Variants in LRBA observed in about 807,000 individuals in gnomAD.
LRBA encodes lipopolysaccharide-responsive and beige-like anchor protein.
Under a neutral mutation model 330.0 loss-of-function variants are expected in LRBA, and 176 were observed. The observed-to-expected ratio is 0.53, with a 90% confidence interval of 0.47 to 0.60. LRBA has a LOEUF of 0.60. Ranked by LOEUF, LRBA falls within the 20% of genes least tolerant of loss-of-function variation. The pLI is 0.00. For synonymous variants in LRBA, 1,230 were observed against 1,193.0 expected (o/e 1.03, Z -0.64); for missense variants, 3,259 against 3,444.8 (o/e 0.95, Z 1.35).
intron 17 of LRBA, among the ~76,000 whole-genome samples, chr4:150,875,981 A>G (rs1298433096): frequency 2.0e-5 from 3 of 152,216 alleles, no homozygotes; most frequent in Admixed American, 6.5e-5. Context: ...AAATTAAAAG[A>G]AACTTCTAAA....
intron 2 of LRBA, among the ~76,000 whole-genome samples, chr4:150,938,073 G>C (rs1435571425): frequency 2.9e-5 from 4 of 136,894 alleles, no homozygotes; most frequent in Admixed American, 7.5e-5. Context: ...GTATGGTATA[G>C]TTTAAAAAAA....
chr4:150,618,673 T>C (rs1776001772), intron 37 of LRBA, among the ~76,000 whole-genome samples: 1 of 152,046 alleles, frequency 6.6e-6, no homozygotes, highest in Non-Finnish European at 1.5e-5. Flanking sequence ...AGCAATAAAC[T>C]ATATTATGTC....
chr4:150,933,233 C>A (rs1210611567), intron 2 of LRBA, among the ~76,000 whole-genome samples: 3 of 151,714 alleles, frequency 2.0e-5, no homozygotes, highest in African/African-American at 4.8e-5. Flanking sequence ...ACTAAAAATA[C>A]AAAAATTAGC....
chr4:150,721,550 T>G (rs552038834), intron 36 of LRBA: 6 of 212,054 alleles, frequency 2.8e-5, no homozygotes, highest in African/African-American at 1.2e-4. Context: ...GAAGACAATG[T>G]GAATTAAATT....
chr4:150,720,567 T>C (rs1157446334), intron 36 of LRBA, among the ~76,000 whole-genome samples: 1 of 151,936 alleles, frequency 6.6e-6, no homozygotes, highest in African/African-American at 2.4e-5. Context: ...TCAAAGAAAG[T>C]CAAGCAACTA....
chr4:151,007,524 A>T (rs1328997871), intron 2 of LRBA, among the ~76,000 whole-genome samples: 2 of 146,006 alleles, frequency 1.4e-5, no homozygotes, highest in Admixed American at 1.4e-4. Flanking sequence ...AAAACAAAAA[A>T]AAAAATGGCA....
At chr4:150,765,226 G>A (rs1330992362) in intron 34 of LRBA, among the ~76,000 whole-genome samples, 1 of 152,030 alleles carries the variant, frequency 6.6e-6, no homozygotes, top group Non-Finnish European at 1.5e-5. Flanking sequence ...CAAAACTATG[G>A]AGAAATGTAA....
At chr4:150,972,476 C>T (rs575999396) in intron 2 of LRBA, among the ~76,000 whole-genome samples, 78 of 152,140 alleles carry the variant, frequency 5.1e-4, no homozygotes, top group Non-Finnish European at 1.1e-3. Flanking sequence ...CTCATAGTGA[C>T]TAACAGATTT....
At chr4:150,470,876 C>CACACACCA (rs1554034850) in intron 43 of LRBA, among the ~76,000 whole-genome samples, 269 of 143,794 alleles carry the variant, frequency 1.9e-3, no homozygotes, top group African/African-American at 5.0e-3. Flanking sequence ...CACACACACA[C>CACACACCA]CACACACTAA....
intron 40 of LRBA, among the ~76,000 whole-genome samples, chr4:150,505,183 T>C (rs1760882941): frequency 1.3e-5 from 2 of 152,062 alleles, no homozygotes; most frequent in Non-Finnish European, 2.9e-5. Context: ...GACAGAAAGT[T>C]AACAAGGATA....
intron 44 of LRBA, among the ~76,000 whole-genome samples, chr4:150,461,522 G>A (rs1754772903): frequency 6.6e-6 from 1 of 151,608 alleles, no homozygotes; most frequent in East Asian, 1.9e-4. Context: ...TTGACCTCAT[G>A]GTGCATTAGT....
At chr4:150,886,101 G>A (rs889868819) in intron 17 of LRBA, among the ~76,000 whole-genome samples, 2 of 151,844 alleles carry the variant, frequency 1.3e-5, no homozygotes, top group East Asian at 1.9e-4. Flanking sequence ...AAATTATAGG[G>A]GAAAAAAACA....
In LRBA at chr4:150,994,136, A is replaced by C. The variant is rs368171354; in HGVS notation, c.216+20291T>G. Reference sequence around the variant, plus strand: ...CCCCAAAGAAACAATGTGACACTAAAGCATAGCTAAACAATACTAGGGTAT... The same window carrying C: ...CCCCAAAGAAACAATGTGACACTAACGCATAGCTAAACAATACTAGGGTAT... On this transcript the variant is annotated intron_variant, in intron 2 of 56. Transcript: ENST00000651943. Among the ~76,000 whole-genome samples, 286 of 152,172 alleles carry C rather than the reference A, an allele frequency of 1.9e-3. 5 individuals are homozygous for C. Among genetic ancestry groups the C allele is most frequent in the African/African-American group, 6.7e-3 (277 of 41,528 alleles).
chr4:150,438,249 G>A (rs965498944), intron 44 of LRBA, among the ~76,000 whole-genome samples: 1 of 152,154 alleles, frequency 6.6e-6, no homozygotes, highest in Non-Finnish European at 1.5e-5. Context: ...CTGGGAGGTC[G>A]AGGTGGGAGA....
At chr4:150,800,638 A>G (rs1008097414) in intron 33 of LRBA, among the ~76,000 whole-genome samples, 2 of 152,150 alleles carry the variant, frequency 1.3e-5, no homozygotes, top group African/African-American at 4.8e-5. Flanking sequence ...TACTGCCAGA[A>G]CTATCATTTT....
At chr4:150,844,011 T>C (rs1749479042) in intron 28 of LRBA, 89 bp downstream of exon 28, 4 of 747,364 alleles carry the variant, frequency 5.4e-6, no homozygotes, top group Admixed American at 4.4e-5. Flanking sequence ...CTATTTGATA[T>C]CACAAAGAAT....
chr4:150,993,909 A>G (rs764370610), intron 2 of LRBA, among the ~76,000 whole-genome samples: 12 of 151,910 alleles, frequency 7.9e-5, no homozygotes, highest in Non-Finnish European at 1.5e-4. Flanking sequence ...TACTAAAAAT[A>G]CAAAAATTAG....
chr4:150,852,829 T>C lies in LRBA; in HGVS notation c.2881A>G (p.Ile961Val), dbSNP rs899655596. Residue 961 changes from isoleucine to valine, a missense_variant, in exon 23 of 57, where the codon ATT becomes GTT. By Grantham distance (29) the Ile-to-Val change is conservative. Transcript: ENST00000651943. ...SSTSVQAASG[I>V]RRDINVSVGS... is the part of the protein sequence containing the mutation. ...ACTGAAACATTAATATCCCTTCTAA[T>C]GCCAGAGGCTGCTTGAACTGAAGTT... 1 of 1,613,978 alleles carries C rather than the reference T, an allele frequency of 6.2e-7. No homozygotes were observed. Among genetic ancestry groups the C allele is most frequent in the African/African-American group, 1.3e-5 (1 of 75,062 alleles).
intron 36 of LRBA, among the ~76,000 whole-genome samples, chr4:150,689,782 C>G (rs932653605): frequency 6.6e-6 from 1 of 151,812 alleles, no homozygotes; most frequent in Non-Finnish European, 1.5e-5. Flanking sequence ...AAAATTAGCC[C>G]GGTGTGGTGG....
Sources: gnomAD v4.1 joint callset for allele counts (sites outside exome capture counted in the v4.1 genomes callset) on GRCh38, gnomAD v4.1.1 for gene constraint, MANE v1.5 for transcripts, NCBI Gene and HGNC (gene_info 2026-07-23, HGNC 2026-07-21) for gene names.